Variants in CNOT4 observed in about 807,000 individuals in gnomAD.
CNOT4 encodes CCR4-associated factor 4.
A neutral mutation model predicts 73.8 loss-of-function variants in CNOT4; 8 were observed. That is an observed-to-expected ratio of 0.11 (90% CI 0.06 to 0.20). The LOEUF is 0.20. Among genes scored for constraint, CNOT4 ranks in the 10% least tolerant of loss-of-function variants. The probability of loss-of-function intolerance (pLI) is 1.00; values close to 1 mark genes in which losing one functional copy is unlikely to be tolerated. For synonymous variants in CNOT4, 293 were observed against 321.1 expected (o/e 0.91, Z 0.94); for missense variants, 564 against 883.4 (o/e 0.64, Z 4.58).
chr7:135,475,901 A>G (rs781778994), intron 1 of CNOT4, among the ~76,000 whole-genome samples: 39 of 152,200 alleles, frequency 2.6e-4, no homozygotes, highest in Non-Finnish European at 5.0e-4. Flanking sequence ...ACAGAGTAAG[A>G]CCCTGTCTCA....
chr7:135,397,607 CAA>C (rs11381422), intron 8 of CNOT4, among the ~76,000 whole-genome samples: 5 of 131,202 alleles, frequency 3.8e-5, no homozygotes, highest in Admixed American at 7.5e-5. Flanking sequence ...AAAAACTAGC[CAA>C]AAAAAAAAAA....
chr7:135,432,370 C>T (rs1371463853), intron 2 of CNOT4, among the ~76,000 whole-genome samples: 1 of 152,158 alleles, frequency 6.6e-6, no homozygotes, highest in Non-Finnish European at 1.5e-5. Context: ...TTTCATTTCT[C>T]TACAACTTTT....
chr7:135,506,424 GCTAA>G (rs1259930877), intron 1 of CNOT4, among the ~76,000 whole-genome samples: 13 of 152,144 alleles, frequency 8.5e-5, no homozygotes, highest in African/African-American at 1.2e-4. Flanking sequence ...CTGTAAGAGA[GCTAA>G]CTAACTGAAT....
At chr7:135,466,264 G>A (rs1801212383) in intron 1 of CNOT4, among the ~76,000 whole-genome samples, 1 of 151,696 alleles carries the variant, frequency 6.6e-6, no homozygotes. Flanking sequence ...GGCGGATCAT[G>A]TGAGATCAGG....
At chr7:135,401,779 A>T (rs1294823313) in intron 7 of CNOT4, among the ~76,000 whole-genome samples, 1 of 152,208 alleles carries the variant, frequency 6.6e-6, no homozygotes, top group East Asian at 1.9e-4. Flanking sequence ...ACCATCTCTG[A>T]AAAGGCTAGG....
In CNOT4 at chr7:135,388,317, C is replaced by T. The variant is rs1018735978; in HGVS notation, c.1627+5601G>A. On this transcript the variant is annotated intron_variant, in intron 10 of 11. Coordinates refer to ENST00000541284, the MANE Select transcript of CNOT4 (RefSeq NM_001190850.2). Reference sequence around the variant, plus strand: ...CAATATCCTTCTGAGCATTAAATGACACCACCAATTTTGTTTTATATGTAT... The same window carrying T: ...CAATATCCTTCTGAGCATTAAATGATACCACCAATTTTGTTTTATATGTAT... 5 of 984,896 alleles carry T rather than the reference C, an allele frequency of 5.1e-6. No homozygotes were observed. The African/African-American group carries it at 5.2e-5, about 10-fold the overall frequency. The allele number at this position is 984,896 out of a possible 1,614,324, so 61.0% of individuals were successfully genotyped here.
intron 10 of CNOT4, among the ~76,000 whole-genome samples, chr7:135,377,822 A>C (rs760224339): frequency 6.6e-6 from 1 of 152,220 alleles, no homozygotes; most frequent in Non-Finnish European, 1.5e-5. Context: ...GACAGAACCA[A>C]TTCTCAGTCA....
At position 135,434,308 on chromosome 7, in the gene CNOT4, C is replaced by T. The variant is rs183717784; in HGVS notation, c.174+3850G>A. 2.8e-3 allele frequency among the ~76,000 whole-genome samples: 432 copies of T among 152,326 alleles called. 1 individual carries two copies. Among genetic ancestry groups the T allele is most frequent in the African/African-American group, 9.8e-3 (408 of 41,556 alleles). On this transcript the variant is annotated intron_variant, in intron 2 of 11. Coordinates refer to ENST00000541284, the MANE Select transcript of CNOT4 (RefSeq NM_001190850.2). ...GGCAACTTCACAAATATTTATCTTG[C>T]GCTGCGCTGAGCAGATTCTCTGGCA... is the stretch of plus-strand genomic sequence containing the variant.
At chr7:135,463,661 A>G (rs182853075) in intron 1 of CNOT4, among the ~76,000 whole-genome samples, 85 of 152,296 alleles carry the variant, frequency 5.6e-4, no homozygotes, top group African/African-American at 1.9e-3. Context: ...AGCAACTGCA[A>G]CAAAAGCAAA....
intron 9 of CNOT4, among the ~76,000 whole-genome samples, 175 bp from the exon 10 acceptor site, chr7:135,394,590 T>C (rs1173648293): frequency 2.0e-5 from 3 of 152,218 alleles, no homozygotes; most frequent in African/African-American, 7.2e-5. Context: ...TATGTACTTC[T>C]AGCAGTTACT....
chr7:135,393,529 T>A (rs1796510221), intron 10 of CNOT4, among the ~76,000 whole-genome samples: 1 of 151,754 alleles, frequency 6.6e-6, no homozygotes, highest in African/African-American at 2.4e-5. Context: ...TTAATTATCA[T>A]TAAAAAAATT....
In CNOT4 at chr7:135,415,066, G is replaced by T. The variant is rs776756336; in HGVS notation, c.459+110C>A. The T allele has an allele frequency of 5.6e-6, 4 of 716,834 alleles. No homozygotes were observed. In the African/African-American group the frequency reaches 7.2e-5, roughly 13 times the overall value. The allele number at this position is 716,834 out of a possible 1,614,324, so 44.4% of individuals were successfully genotyped here. A position where few individuals can be genotyped will look rare whatever the true frequency, so the allele number is the denominator to read the frequency against. On this transcript the variant is annotated intron_variant, in intron 4 of 11. Transcript: ENST00000541284. The stretch of plus-strand genomic sequence containing the variant: ...CAACAGAGGTCACTACATTGCTTAA[G>T]TCCTTGTCCCTCAAGCTTTCTAATC...
chr7:135,451,446 A>T (rs1474435781), intron 1 of CNOT4, among the ~76,000 whole-genome samples: 1 of 152,114 alleles, frequency 6.6e-6, no homozygotes, highest in East Asian at 1.9e-4. Flanking sequence ...GGCATGCACC[A>T]CCACACCTGG....
At chr7:135,470,225 G>A (rs772064026) in intron 1 of CNOT4, among the ~76,000 whole-genome samples, 3 of 151,870 alleles carry the variant, frequency 2.0e-5, no homozygotes, top group Non-Finnish European at 4.4e-5. Flanking sequence ...GACCTCCCAG[G>A]CTCAAGCAAT....
chr7:135,472,553 AT>A, intron 1 of CNOT4, among the ~76,000 whole-genome samples: 1 of 103,120 alleles, frequency 9.7e-6, no homozygotes, highest in Non-Finnish European at 1.9e-5. Flanking sequence ...ATATATATAT[AT>A]ATATAAAGTG....
chr7:135,482,195 T>A (rs1241672854), intron 1 of CNOT4, among the ~76,000 whole-genome samples: 1 of 152,210 alleles, frequency 6.6e-6, no homozygotes, highest in African/African-American at 2.4e-5. Context: ...ATGTACTCCA[T>A]AAATATATGA....
Position 135,494,205 on chromosome 7 carries a change from C to CA in CNOT4, c.-93+15683dup, listed in dbSNP as rs1803302515. ...CCACCAGCGGTGGGGCGCAGTGGCT[C>CA]ACACCTGTAATCCCAGCACTTTGGG... On this transcript the variant is annotated intron_variant, in intron 1 of 11. Transcript: ENST00000541284. Among the ~76,000 whole-genome samples the CA allele has an allele frequency of 2.0e-5, 3 of 152,022 alleles. No individual in the cohort carries two copies. The South Asian group carries it at 6.2e-4, about 32-fold the overall frequency.
chr7:135,463,363 C>T (rs749886543), intron 1 of CNOT4, among the ~76,000 whole-genome samples: 8 of 152,052 alleles, frequency 5.3e-5, no homozygotes, highest in Non-Finnish European at 8.8e-5. Context: ...CATGCTGAAA[C>T]CCTGTCTCTA....
chr7:135,373,276 G>A (rs1220589380), intron 10 of CNOT4, among the ~76,000 whole-genome samples: 1 of 152,222 alleles, frequency 6.6e-6, no homozygotes, highest in Non-Finnish European at 1.5e-5. Flanking sequence ...TTTGACAGGA[G>A]AAAAGGCAGG....
Sources: gnomAD v4.1 joint callset for allele counts (sites outside exome capture counted in the v4.1 genomes callset) on GRCh38, gnomAD v4.1.1 for gene constraint, MANE v1.5 for transcripts, NCBI Gene and HGNC (gene_info 2026-07-23, HGNC 2026-07-21) for gene names.